RAB3B: variants seen among roughly 807,000 people sequenced by gnomAD.
RAB3B encodes the protein RAB3B, member RAS oncogene family.
In RAB3B, 11 loss-of-function variants were observed where a neutral mutation model predicts 20.5. The ratio of observed to expected loss-of-function variants is 0.54; its 90% CI spans 0.34 to 0.89. The LOEUF (loss-of-function observed/expected upper bound fraction) is 0.89. Ranked by LOEUF, RAB3B falls within the 40% of genes least tolerant of loss-of-function variation. The pLI is 0.02. For synonymous variants in RAB3B, 99 were observed against 106.3 expected, an observed-to-expected ratio of 0.93 and a Z score of 0.42; for missense variants, 225 against 280.9, an observed-to-expected ratio of 0.80 and a Z score of 1.42.
At chr1:51,958,052 T>C (rs1684734118) in intron 2 of RAB3B, among the ~76,000 whole-genome samples, 1 of 152,164 alleles carries the variant, frequency 6.6e-6, no homozygotes, top group Non-Finnish European at 1.5e-5. Flanking sequence ...ACCTTCCTTA[T>C]CTCTTCCTCC....
chr1:51,919,832 C>T lies in RAB3B; in HGVS notation c.*95G>A. ...TGCTCTGAGTGTGGGCAGTGTGTAACAGGGAGAGTGGGCTGAGAGCGGACA... is the reference window on the plus strand; with the variant it reads ...TGCTCTGAGTGTGGGCAGTGTGTAATAGGGAGAGTGGGCTGAGAGCGGACA... On this transcript the variant is annotated 3_prime_UTR_variant, in exon 5 of 5. Transcript: ENST00000371655. 2 of 1,281,928 alleles carry T rather than the reference C, an allele frequency of 1.6e-6. No homozygotes were observed. The highest frequency in any genetic ancestry group is 1.5e-5 in the African/African-American group (1 of 67,284). The allele number at this position is 1,281,928 out of a possible 1,614,324, so 79.4% of individuals were successfully genotyped here. A position where few individuals can be genotyped will look rare whatever the true frequency, so the allele number is the denominator to read the frequency against.
At chr1:51,931,941 A>C (rs1358916591) in intron 4 of RAB3B, among the ~76,000 whole-genome samples, 1 of 152,032 alleles carries the variant, frequency 6.6e-6, no homozygotes, top group Non-Finnish European at 1.5e-5. Flanking sequence ...GGACCGTCTA[A>C]AGTTCACCAG....
intron 2 of RAB3B, among the ~76,000 whole-genome samples, chr1:51,950,267 G>T (rs1198789131): frequency 6.6e-6 from 1 of 152,186 alleles, no homozygotes; most frequent in African/African-American, 2.4e-5. Flanking sequence ...GTTTCATCAG[G>T]GACCTGTCCC....
chr1:51,977,177 T>A, intron 1 of RAB3B, 60 bp from the exon 2 acceptor site: 3 of 1,296,654 alleles, frequency 2.3e-6, no homozygotes, highest in South Asian at 1.3e-5. Flanking sequence ...TGAGTCACCA[T>A]CCTTCTAATG....
chr1:51,975,166 A>T (rs563132758), intron 2 of RAB3B, among the ~76,000 whole-genome samples: 1 of 152,224 alleles, frequency 6.6e-6, no homozygotes, highest in Non-Finnish European at 1.5e-5. Context: ...GTGAGCCAAG[A>T]TAGTGCCACT....
At chr1:51,923,719 A>C (rs1383754229) in intron 4 of RAB3B, among the ~76,000 whole-genome samples, 5 of 151,676 alleles carry the variant, frequency 3.3e-5, no homozygotes, top group Non-Finnish European at 7.4e-5. Context: ...TGTCTCAAAA[A>C]AAAAAAAAAA....
At position 51,909,216 on chromosome 1, in the gene RAB3B, G is replaced by A. The variant is rs529707553; in HGVS notation, c.*10711C>T. 6.6e-6 allele frequency: 1 copy of A among 152,214 alleles called. No homozygotes were observed. The highest frequency in any genetic ancestry group is 1.9e-4 in the East Asian group (1 of 5,182). 9.4% of individuals were successfully genotyped at this position (152,214 alleles called of 1,614,324 possible). On this transcript the variant is annotated 3_prime_UTR_variant, in exon 5 of 5. Transcript: ENST00000371655. ...TGTATTGAGGTGGAGGGAAGGAGCT[G>A]AAAGAAGGAGGGGATCCTTGGAAAG...
At chr1:51,928,428 A>G (rs1684277151) in intron 4 of RAB3B, among the ~76,000 whole-genome samples, 1 of 152,206 alleles carries the variant, frequency 6.6e-6, no homozygotes, top group Non-Finnish European at 1.5e-5. Context: ...ATAAACACGA[A>G]TTGTTGGCCA....
intron 2 of RAB3B, among the ~76,000 whole-genome samples, chr1:51,954,043 C>T (rs1032357838): frequency 1.3e-5 from 2 of 151,990 alleles, no homozygotes; most frequent in Non-Finnish European, 2.9e-5. Flanking sequence ...CAGGGATAAT[C>T]ACTGCAACAT....
chr1:51,937,027 T>C (rs973530160), intron 3 of RAB3B, among the ~76,000 whole-genome samples: 3 of 152,300 alleles, frequency 2.0e-5, no homozygotes, highest in East Asian at 3.9e-4. Context: ...TTGGCTAGGC[T>C]GGTCTCAAAC....
chr1:51,983,689 G>T (rs149927806), intron 1 of RAB3B, among the ~76,000 whole-genome samples: 64 of 152,206 alleles, frequency 4.2e-4, no homozygotes, highest in African/African-American at 1.4e-3. Context: ...GCCAGGTGCC[G>T]TGGCTCAGGC....
rs1301612652 is a variant in RAB3B at position 51,918,003 on chromosome 1, G to A, written c.*1924C>T. On this transcript the variant is annotated 3_prime_UTR_variant, in exon 5 of 5. Coordinates refer to ENST00000371655, the MANE Select transcript of RAB3B (RefSeq NM_002867.4). ...GATTCAGGCCATGATAGAGAAGAAA[G>A]GTTTTCTGGAATCACTGCCAGTTCC... is the stretch of plus-strand genomic sequence containing the variant. The A allele has an allele frequency of 6.6e-6, 1 of 152,220 alleles. No individual in the cohort carries two copies. Among genetic ancestry groups the A allele is most frequent in the Admixed American group, 6.5e-5 (1 of 15,280 alleles). The allele number at this position is 152,220 out of a possible 1,614,324, so 9.4% of individuals were successfully genotyped here.
chr1:51,947,395 A>T (rs1459158881), intron 2 of RAB3B, among the ~76,000 whole-genome samples: 1 of 5,714 alleles, frequency 1.8e-4, no homozygotes, highest in Non-Finnish European at 1.1e-3. Context: ...ACCTTGCCTC[A>T]AAAAAAAAAA....
At chr1:51,986,960 CA>C (rs1204831649) in intron 1 of RAB3B, among the ~76,000 whole-genome samples, 1 of 152,208 alleles carries the variant, frequency 6.6e-6, no homozygotes, top group African/African-American at 2.4e-5. Flanking sequence ...AAGCATCAAT[CA>C]AATCTTTCCT....
rs142169762 is a variant in RAB3B at position 51,934,572 on chromosome 1, C to T, written c.348-1130G>A. Reference sequence around the variant, plus strand: ...GGACCACGAGGTCAGGAGATCGAGACCATCCTAGCTAACATGGTGAAACCC... The same window carrying T: ...GGACCACGAGGTCAGGAGATCGAGATCATCCTAGCTAACATGGTGAAACCC... On this transcript the variant is annotated intron_variant, in intron 3 of 4. Coordinates refer to ENST00000371655, the MANE Select transcript of RAB3B (RefSeq NM_002867.4). 5.8e-3 allele frequency among the ~76,000 whole-genome samples: 878 copies of T among 151,930 alleles called. 11 individuals carry two copies. The highest frequency in any genetic ancestry group is 0.02 in the African/African-American group (849 of 41,428).
At chr1:51,968,447 T>C (rs887256667) in intron 2 of RAB3B, among the ~76,000 whole-genome samples, 1 of 152,196 alleles carries the variant, frequency 6.6e-6, no homozygotes, top group Non-Finnish European at 1.5e-5. Flanking sequence ...GCTATGGTAT[T>C]CATTTATTGG....
intron 2 of RAB3B, among the ~76,000 whole-genome samples, chr1:51,975,399 T>C (rs561694458): frequency 7.2e-5 from 11 of 152,318 alleles, no homozygotes; most frequent in African/African-American, 2.6e-4. Flanking sequence ...ATAGTAGCTG[T>C]GGCAGCCAGC....
At chr1:51,933,055 A>G (rs1684348145) in intron 4 of RAB3B, among the ~76,000 whole-genome samples, 1 of 152,200 alleles carries the variant, frequency 6.6e-6, no homozygotes, top group Non-Finnish European at 1.5e-5. Flanking sequence ...AAAAAAAAAG[A>G]GTTTATAAAT....
intron 2 of RAB3B, among the ~76,000 whole-genome samples, chr1:51,959,476 C>CT (rs1195311227): frequency 1.3e-5 from 2 of 152,126 alleles, no homozygotes; most frequent in Non-Finnish European, 2.9e-5. Context: ...CACACCACTG[C>CT]ACTCCAGCCT....
Sources: allele counts gnomAD v4.1 joint callset (sites outside exome capture counted in the v4.1 genomes callset), GRCh38; gene constraint gnomAD v4.1.1; transcripts MANE v1.5; gene names NCBI Gene and HGNC (gene_info 2026-07-23, HGNC 2026-07-21).